RABGAP1L: variants seen among roughly 807,000 people sequenced by gnomAD.
RABGAP1L encodes rab GTPase-activating protein 1-like.
RABGAP1L carries 63 observed loss-of-function variants against 137.7 expected under a neutral mutation model. That is an observed-to-expected ratio of 0.46 (90% confidence interval 0.37 to 0.56). The LOEUF (loss-of-function observed/expected upper bound fraction) is 0.56, where lower values mean the gene tolerates loss of function less well. Among genes scored for constraint, RABGAP1L ranks in the 20% least tolerant of loss-of-function variants. RABGAP1L has a pLI of 0.00. For missense variants in RABGAP1L, 1,095 were observed against 1,244.0 expected (o/e 0.88, Z 1.80); for synonymous variants, 431 against 433.7 (o/e 0.99, Z 0.08).
chr1:174,899,009 C>T (rs762667226), intron 19 of RABGAP1L, among the ~76,000 whole-genome samples: 1 of 152,022 alleles, frequency 6.6e-6, no homozygotes, highest in Non-Finnish European at 1.5e-5. Context: ...ATTTGAAACC[C>T]TAGGTTCTCT....
chr1:174,541,837 T>G (rs920414468), intron 13 of RABGAP1L, among the ~76,000 whole-genome samples: 1 of 152,188 alleles, frequency 6.6e-6, no homozygotes, highest in African/African-American at 2.4e-5. Flanking sequence ...CTTTTCTGCA[T>G]CTTTTGAGAT....
intron 13 of RABGAP1L, among the ~76,000 whole-genome samples, chr1:174,398,887 CTTAA>C (rs761208023): frequency 1.3e-5 from 2 of 152,100 alleles, no homozygotes; most frequent in Non-Finnish European, 2.9e-5. Flanking sequence ...TATATGTAAA[CTTAA>C]TTTATTTTAG....
chr1:174,866,622 C>G (rs1180919788), intron 19 of RABGAP1L, among the ~76,000 whole-genome samples: 1 of 152,078 alleles, frequency 6.6e-6, no homozygotes, highest in African/African-American at 2.4e-5. Flanking sequence ...ATAATAAATA[C>G]TACTACAGGC....
intron 13 of RABGAP1L, among the ~76,000 whole-genome samples, chr1:174,543,450 G>T (rs887755057): frequency 6.6e-6 from 1 of 152,108 alleles, no homozygotes; most frequent in Non-Finnish European, 1.5e-5. Flanking sequence ...TTGCTTGGCA[G>T]ATCTTCCTTC....
intron 18 of RABGAP1L, among the ~76,000 whole-genome samples, chr1:174,762,807 CTTTTTTTTTTTTT>C (rs71563260): frequency 1.7e-3 from 138 of 81,834 alleles, no homozygotes; most frequent in African/African-American, 5.5e-3. Flanking sequence ...GTCTCCTTTG[CTTTTTTTTTTTTT>C]TTTTTTTTTT....
chr1:174,734,073 C>T (rs577930247), intron 17 of RABGAP1L, among the ~76,000 whole-genome samples: 1 of 152,084 alleles, frequency 6.6e-6, no homozygotes, highest in Non-Finnish European at 1.5e-5. Context: ...AATGCACTTA[C>T]CATTGAAGAA....
At chr1:174,874,834 G>A (rs1466194232) in intron 19 of RABGAP1L, among the ~76,000 whole-genome samples, 5 of 151,922 alleles carry the variant, frequency 3.3e-5, no homozygotes, top group Non-Finnish European at 5.9e-5. Flanking sequence ...TATGTTTTTC[G>A]TTGGAACCAC....
At chr1:174,183,283 A>G (rs1558010640) in intron 1 of RABGAP1L, among the ~76,000 whole-genome samples, 1 of 152,236 alleles carries the variant, frequency 6.6e-6, no homozygotes, top group East Asian at 1.9e-4. Context: ...TCTTTTGCCC[A>G]GGCCCTGCCG....
chr1:174,276,814 G>T (rs905850643), intron 9 of RABGAP1L, among the ~76,000 whole-genome samples: 1 of 151,852 alleles, frequency 6.6e-6, no homozygotes, highest in Non-Finnish European at 1.5e-5. Flanking sequence ...TTGTTCCATT[G>T]TGTTTTTTCA....
intron 19 of RABGAP1L, among the ~76,000 whole-genome samples, chr1:174,873,964 T>G (rs919585990): frequency 6.6e-6 from 1 of 152,204 alleles, no homozygotes; most frequent in Non-Finnish European, 1.5e-5. Context: ...TGTCTCTAAA[T>G]TTGACACTTG....
chr1:174,717,040 G>T (rs902405999), intron 17 of RABGAP1L, among the ~76,000 whole-genome samples: 5 of 152,240 alleles, frequency 3.3e-5, no homozygotes, highest in Admixed American at 6.5e-5. Flanking sequence ...ATACAGAGAA[G>T]AATTAGTGCA....
chr1:174,274,207 C>G (rs1016357633), intron 8 of RABGAP1L, among the ~76,000 whole-genome samples: 13 of 152,076 alleles, frequency 8.5e-5, no homozygotes, highest in African/African-American at 2.9e-4. Flanking sequence ...CTATGACACT[C>G]CCAAATATCA....
intron 11 of RABGAP1L, among the ~76,000 whole-genome samples, chr1:174,360,799 T>G (rs1372875292): frequency 6.6e-6 from 1 of 152,178 alleles, no homozygotes; most frequent in Non-Finnish European, 1.5e-5. Flanking sequence ...TTTTTCTAGT[T>G]TTCATCTCCT....
chr1:174,483,759 G>C (rs1385424149), intron 13 of RABGAP1L, among the ~76,000 whole-genome samples: 1 of 151,886 alleles, frequency 6.6e-6, no homozygotes, highest in African/African-American at 2.4e-5. Context: ...TTCATAAGGT[G>C]GAGGTTCTAC....
chr1:174,607,941 C>A (rs368562734), intron 13 of RABGAP1L, among the ~76,000 whole-genome samples: 1 of 152,258 alleles, frequency 6.6e-6, no homozygotes, highest in African/African-American at 2.4e-5. Flanking sequence ...GCAACCCTTA[C>A]GAAAGTGTGA....
chr1:174,224,958 G>C (rs977381294), intron 3 of RABGAP1L, among the ~76,000 whole-genome samples: 5 of 151,576 alleles, frequency 3.3e-5, no homozygotes, highest in Non-Finnish European at 7.4e-5. Context: ...GGATCACTGA[G>C]ATTCTTGAAT....
intron 18 of RABGAP1L, chr1:174,800,359 C>T (rs1436704201): frequency 1.9e-6 from 3 of 1,550,392 alleles, no homozygotes; most frequent in Non-Finnish European, 1.7e-6. Context: ...CCTGCCCAGC[C>T]CCAGCTGCTA....
chr1:174,928,606 G>A (rs1246633348), intron 19 of RABGAP1L, among the ~76,000 whole-genome samples: 2 of 152,008 alleles, frequency 1.3e-5, no homozygotes, highest in East Asian at 3.9e-4. Flanking sequence ...GGAGCCTTAG[G>A]GAACTCGGGA....
At chr1:174,288,439 C>T (rs915745241) in intron 10 of RABGAP1L, among the ~76,000 whole-genome samples, 1 of 151,946 alleles carries the variant, frequency 6.6e-6, no homozygotes, top group Non-Finnish European at 1.5e-5. Context: ...GAAAGTCTTT[C>T]TCTCTTTCAT....
Sources: allele counts gnomAD v4.1 joint callset (sites outside exome capture counted in the v4.1 genomes callset), GRCh38; gene constraint gnomAD v4.1.1; transcripts MANE v1.5; gene names NCBI Gene and HGNC (gene_info 2026-07-23, HGNC 2026-07-21).